MAF: variants seen among roughly 807,000 people sequenced by gnomAD.
The protein encoded by MAF is transcription factor Maf.
Under a neutral mutation model 22.0 loss-of-function variants are expected in MAF, and 10 were observed. The observed-to-expected ratio is 0.45, with a 90% CI of 0.28 to 0.77. The LOEUF is 0.77. Ranked by LOEUF, MAF falls within the 30% of genes least tolerant of loss-of-function variation. The probability of loss-of-function intolerance (pLI) is 0.12; values close to 1 mark genes in which losing one functional copy is unlikely to be tolerated. For missense variants in MAF, 544 were observed against 548.4 expected (o/e 0.99, Z 0.08); for synonymous variants, 337 against 255.8 (o/e 1.32, Z -3.03).
At chr16:79,328,072 A>C in the MAF span, among the ~76,000 whole-genome samples, 3 of 152,224 alleles carry the variant, frequency 2.0e-5, no homozygotes, top group Non-Finnish European at 2.9e-5. Context: ...TGTAAGGATT[A>C]AGTGAAATAG....
At chr16:79,459,015 G>A in the MAF span, among the ~76,000 whole-genome samples, 1 of 152,150 alleles carries the variant, frequency 6.6e-6, no homozygotes, top group Non-Finnish European at 1.5e-5. Flanking sequence ...AAAATGAGTT[G>A]TGGAACATTT....
At chr16:79,423,607 T>C in the MAF span, among the ~76,000 whole-genome samples, 1 of 152,204 alleles carries the variant, frequency 6.6e-6, no homozygotes, top group Non-Finnish European at 1.5e-5. Context: ...TATAGCTGTT[T>C]AGTGTTATAA....
chr16:79,231,984 T>G, the MAF span, among the ~76,000 whole-genome samples: 1 of 152,012 alleles, frequency 6.6e-6, no homozygotes, highest in Non-Finnish European at 1.5e-5. Flanking sequence ...CTAGATCCCT[T>G]GCATGCACAG....
the MAF span, among the ~76,000 whole-genome samples, chr16:79,323,077 G>A: frequency 1.4e-5 from 2 of 146,020 alleles, no homozygotes; most frequent in East Asian, 4.2e-4. Context: ...GTGAACCTGG[G>A]AGGCAGAGCT....
chr16:79,475,346 A>G, the MAF span, among the ~76,000 whole-genome samples: 2 of 146,274 alleles, frequency 1.4e-5, no homozygotes, highest in East Asian at 1.9e-4. Context: ...ATATATATAT[A>G]TATGTATGTA....
chr16:79,519,292 T>A, the MAF span, among the ~76,000 whole-genome samples: 1 of 152,024 alleles, frequency 6.6e-6, no homozygotes, highest in Non-Finnish European at 1.5e-5. Flanking sequence ...TGGAACCCCA[T>A]GAGATGGGGT....
the MAF span, among the ~76,000 whole-genome samples, chr16:79,441,395 G>C: frequency 6.6e-6 from 1 of 152,206 alleles, no homozygotes; most frequent in African/African-American, 2.4e-5. Context: ...TAAAGGCTCA[G>C]ATAATAAATC....
At chr16:79,389,136 C>T in the MAF span, among the ~76,000 whole-genome samples, 3 of 152,200 alleles carry the variant, frequency 2.0e-5, no homozygotes, top group South Asian at 2.1e-4. Flanking sequence ...CTCAGTCAAC[C>T]TCTTGCCAAA....
At chr16:79,473,570 C>A in the MAF span, among the ~76,000 whole-genome samples, 2 of 152,176 alleles carry the variant, frequency 1.3e-5, no homozygotes, top group African/African-American at 4.8e-5. Context: ...TACCAGCCTC[C>A]TACCCACTGC....
chr16:79,289,839 G>C, the MAF span, among the ~76,000 whole-genome samples: 6 of 131,392 alleles, frequency 4.6e-5, no homozygotes, highest in African/African-American at 1.7e-4. Flanking sequence ...CAAAAGGCAG[G>C]ATGTTTGTTT....
At chr16:79,439,337 C>A in the MAF span, among the ~76,000 whole-genome samples, 15 of 149,430 alleles carry the variant, frequency 1.0e-4, no homozygotes, top group East Asian at 2.6e-3. Context: ...TCTTGGCTCA[C>A]TGCAAGCTCT....
At chr16:79,395,283 G>A in the MAF span, among the ~76,000 whole-genome samples, 1 of 152,194 alleles carries the variant, frequency 6.6e-6, no homozygotes, top group East Asian at 1.9e-4. Flanking sequence ...GTTATCTCCA[G>A]GTGGGGTGAC....
the MAF span, among the ~76,000 whole-genome samples, chr16:79,381,733 T>C: frequency 6.6e-6 from 1 of 152,102 alleles, no homozygotes; most frequent in Non-Finnish European, 1.5e-5. Context: ...TTACACTATT[T>C]CTCAACAGCT....
chr16:79,332,893 C>A, the MAF span, among the ~76,000 whole-genome samples: 1 of 152,330 alleles, frequency 6.6e-6, no homozygotes, highest in South Asian at 2.1e-4. Context: ...ACCTGCCCCA[C>A]AGTTCTCCAA....
the MAF span, chr16:79,206,867 T>A: frequency 6.6e-6 from 1 of 152,184 alleles, no homozygotes; most frequent in Non-Finnish European, 1.5e-5. Flanking sequence ...CAAATGCAAT[T>A]TGTGGCAAAT....
the MAF span, among the ~76,000 whole-genome samples, chr16:79,313,932 G>A: frequency 0.08 from 12,147 of 152,184 alleles, 628 homozygotes; most frequent in East Asian, 0.27. Context: ...TAGCACCTAC[G>A]TTCACAGGAT....
intron 1 of MAF, chr16:79,596,867 C>A (rs1167203930): frequency 4.8e-6 from 5 of 1,048,780 alleles, no homozygotes; most frequent in Admixed American, 5.5e-5. Flanking sequence ...ATTTTATTAG[C>A]GTTCTAAACA....
rs1166244334 is a variant in MAF at position 79,594,046 on chromosome 16, T to C, written c.*414A>G. 16 of 232,378 alleles carry C rather than the reference T, an allele frequency of 6.9e-5. No homozygotes were observed. The Admixed American group carries it at 8.2e-4, about 12-fold the overall frequency. 14.4% of individuals were successfully genotyped at this position (232,378 alleles called of 1,614,324 possible). ...TATTTTTCTTCTTAGTAAAATTATCTGCCAGAGAAACAATGAAGCATGAAA... is the reference window on the plus strand; with the variant it reads ...TATTTTTCTTCTTAGTAAAATTATCCGCCAGAGAAACAATGAAGCATGAAA... On this transcript the variant is annotated 3_prime_UTR_variant, in exon 2 of 2. Transcript: ENST00000326043.
chr16:79,587,418 G>A (rs550967240), intron 1 of MAF, among the ~76,000 whole-genome samples: 1 of 147,920 alleles, frequency 6.8e-6, no homozygotes, highest in East Asian at 2.1e-4. Context: ...AAACTTCCCC[G>A]ATAGGATTAC....
Sources: gnomAD v4.1 joint callset for allele counts (sites outside exome capture counted in the v4.1 genomes callset) on GRCh38, gnomAD v4.1.1 for gene constraint, MANE v1.5 for transcripts, NCBI Gene and HGNC (gene_info 2026-07-23, HGNC 2026-07-21) for gene names.